The following POLH variants were observed in gnomAD, a reference collection of about 807,000 sequenced individuals.
The protein encoded by POLH is DNA polymerase eta transcript.
In POLH, 53 loss-of-function variants were observed where a neutral mutation model predicts 73.6. The ratio of observed to expected loss-of-function variants is 0.72; its 90% CI spans 0.58 to 0.91. The LOEUF (loss-of-function observed/expected upper bound fraction) is 0.91. Ranked by LOEUF, POLH falls within the 40% of genes least tolerant of loss-of-function variation. The pLI, the probability that POLH is intolerant of heterozygous loss-of-function variation, is 0.00. For synonymous variants in POLH, 292 were observed against 308.5 expected (o/e 0.95, Z 0.56); for missense variants, 768 against 865.4 (o/e 0.89, Z 1.41).
In POLH at chr6:43,580,636, C is replaced by T. The variant is rs1177642495; in HGVS notation, c.-4-1680C>T. Among the ~76,000 whole-genome samples the T allele has an allele frequency of 6.0e-5, 8 of 133,406 alleles. No individual in the cohort carries two copies. The East Asian group carries it at 1.6e-3, about 27-fold the overall frequency. 87.5% of individuals were successfully genotyped at this position (133,406 alleles called of 152,430 possible). A position where few individuals can be genotyped will look rare whatever the true frequency, so the allele number is the denominator to read the frequency against. On this transcript the variant is annotated intron_variant, in intron 1 of 10. Coordinates refer to ENST00000372236, the MANE Select transcript of POLH (RefSeq NM_006502.3). The stretch of plus-strand genomic sequence containing the variant: ...GGCCGGGCAGAGGCGCCCCTCACCT[C>T]CCGGACGGGGCGGCTGGCCGGGCAG...
chr6:43,619,497 C>T lies in POLH; in HGVS notation c.*4940C>T, dbSNP rs1582335629. Among the ~76,000 whole-genome samples, 1 of 150,256 alleles carries T rather than the reference C, an allele frequency of 6.7e-6. No homozygotes were observed. Among genetic ancestry groups the T allele is most frequent in the East Asian group, 2.0e-4 (1 of 4,990 alleles). On this transcript the variant is annotated 3_prime_UTR_variant, in exon 11 of 11. Transcript: ENST00000372236. ...GCTTTGCACATGATAGGTGCTGATA[C>T]TCATTGGATGAATGTATATAGTGAA...
chr6:43,604,609 T>C lies in POLH; in HGVS notation c.885-6T>C, dbSNP rs556713399. ...TCACCTTAACGTTTTTTGCTGGTCTTATTAGGTCTTGGCTATATGCCATGT... is the reference window on the plus strand; with the variant it reads ...TCACCTTAACGTTTTTTGCTGGTCTCATTAGGTCTTGGCTATATGCCATGT... On this transcript the variant is annotated splice_region_variant and splice_polypyrimidine_tract_variant and intron_variant, in intron 7 of 10. Coordinates refer to ENST00000372236, the MANE Select transcript of POLH (RefSeq NM_006502.3). 6.2e-7 allele frequency: 1 copy of C among 1,613,970 alleles called. No homozygotes were observed. Among genetic ancestry groups the C allele is most frequent in the Non-Finnish European group, 8.5e-7 (1 of 1,179,792 alleles).
At chr6:43,611,575 T>A (rs967766844) in intron 10 of POLH, among the ~76,000 whole-genome samples, 1 of 152,216 alleles carries the variant, frequency 6.6e-6, no homozygotes. Flanking sequence ...TTACTTTTTT[T>A]AAAGTATTCC....
At chr6:43,586,055 ATAATT>A (rs889930004) in intron 3 of POLH, among the ~76,000 whole-genome samples, 1 of 152,208 alleles carries the variant, frequency 6.6e-6, no homozygotes. Context: ...TTTTAGAACA[ATAATT>A]ATATTAGTTT....
intron 4 of POLH, among the ~76,000 whole-genome samples, chr6:43,593,983 G>T (rs1374195489): frequency 6.6e-6 from 1 of 151,874 alleles, no homozygotes; most frequent in Non-Finnish European, 1.5e-5. Context: ...CCATTTCATG[G>T]TATTGAAGAA....
At chr6:43,583,261 T>G in intron 3 of POLH, 120 bp downstream of exon 3, 1 of 871,050 alleles carries the variant, frequency 1.1e-6, no homozygotes, top group Non-Finnish European at 1.8e-6. Context: ...TTCTTTTTGG[T>G]TAGCCATCTT....
At chr6:43,599,755 T>C (rs935282362) in intron 5 of POLH, among the ~76,000 whole-genome samples, 1 of 151,288 alleles carries the variant, frequency 6.6e-6, no homozygotes, top group African/African-American at 2.4e-5. Context: ...AATTTAATAA[T>C]TTTATATTTT....
rs1264546663 is a variant in POLH, at chr6:43,617,573, G to A, written c.*3016G>A. ...ATCTGGGAGGCAGAGGTTGTAGTGA[G>A]CTGAGATTGTGCCACTGCACTCCAG... is the stretch of plus-strand genomic sequence containing the variant. On this transcript the variant is annotated 3_prime_UTR_variant, in exon 11 of 11. Coordinates refer to ENST00000372236, the MANE Select transcript of POLH (RefSeq NM_006502.3). 6.6e-6 allele frequency among the ~76,000 whole-genome samples: 1 copy of A among 151,598 alleles called. No individual in the cohort carries two copies. The highest frequency in any genetic ancestry group is 1.9e-4 in the East Asian group (1 of 5,160).
chr6:43,612,583 G>T (rs1039164802), intron 10 of POLH, among the ~76,000 whole-genome samples: 2 of 152,006 alleles, frequency 1.3e-5, no homozygotes, highest in African/African-American at 4.8e-5. Context: ...CTGACCTCAG[G>T]TGTTTCACCC....
In POLH at chr6:43,597,826, G is replaced by A. The variant is rs1369063990; in HGVS notation, c.621G>A (p.Glu207=). Residue 207 remains glutamate (E), a synonymous_variant, in exon 5 of 11, where the codon GAG becomes GAA. Coordinates refer to ENST00000372236, the MANE Select transcript of POLH (RefSeq NM_006502.3). ...VEEMRAAIER[E]TGFQCSAGIS... is the part of the protein sequence containing the mutation. ...AAATGAGAGCAGCCATAGAGAGGGA[G>A]ACTGGTTTTCAGTGTTCAGCTGGAA... 6.2e-7 allele frequency: 1 copy of A among 1,613,900 alleles called. No individual in the cohort carries two copies. The highest frequency in any genetic ancestry group is 8.5e-7 in the Non-Finnish European group (1 of 1,179,896).
rs528688151 is a variant in POLH at position 43,619,447 on chromosome 6, C to T, written c.*4890C>T. ...TTCCCCCTAACTAGCTATGTAGCTT[C>T]TTAAAGGCAAAGATTCTTCATAGTG... is the stretch of plus-strand genomic sequence containing the variant. On this transcript the variant is annotated 3_prime_UTR_variant, in exon 11 of 11. Coordinates refer to ENST00000372236, the MANE Select transcript of POLH (RefSeq NM_006502.3). 6.9e-6 allele frequency among the ~76,000 whole-genome samples: 1 copy of T among 144,872 alleles called. No individual in the cohort carries two copies. The highest frequency in any genetic ancestry group is 1.5e-5 in the Non-Finnish European group (1 of 66,556).
intron 8 of POLH, 71 bp downstream of exon 8, chr6:43,604,809 A>T: frequency 6.5e-7 from 1 of 1,531,288 alleles, no homozygotes; most frequent in Non-Finnish European, 9.1e-7. Context: ...GTAGCTGTGG[A>T]AGGTTTAATA....
chr6:43,620,429 A>G lies in POLH; in HGVS notation c.*5872A>G. The stretch of plus-strand genomic sequence containing the variant: ...AGTGTTGGGGTTTCACTTGTCTCTA[A>G]TCCTGAAGAGGTATCTAGCCCTGGA... On this transcript the variant is annotated 3_prime_UTR_variant, in exon 11 of 11. Coordinates refer to ENST00000372236, the MANE Select transcript of POLH (RefSeq NM_006502.3). The G allele has an allele frequency of 2.4e-6, 1 of 413,684 alleles. No homozygotes were observed. The highest frequency in any genetic ancestry group is 1.9e-5 in the South Asian group (1 of 53,866). 25.6% of individuals were successfully genotyped at this position (413,684 alleles called of 1,614,324 possible). A position where few individuals can be genotyped will look rare whatever the true frequency, so the allele number is the denominator to read the frequency against.
chr6:43,603,541 G>A (rs1297769844), intron 6 of POLH, among the ~76,000 whole-genome samples: 1 of 152,056 alleles, frequency 6.6e-6, no homozygotes, highest in Non-Finnish European at 1.5e-5. Flanking sequence ...TCATAGGTGT[G>A]AGCCATTGTG....
chr6:43,583,181 GA>G, intron 3 of POLH, 40 bp downstream of exon 3: 1 of 1,576,012 alleles, frequency 6.3e-7, no homozygotes, highest in Non-Finnish European at 8.7e-7. Flanking sequence ...TAAAGGAGTC[GA>G]AAATAATACT....
chr6:43,599,281 G>A (rs560753222), intron 5 of POLH, among the ~76,000 whole-genome samples: 1 of 152,044 alleles, frequency 6.6e-6, no homozygotes, highest in Non-Finnish European at 1.5e-5. Flanking sequence ...GAGCCACCGC[G>A]CCCGGCCACG....
At chr6:43,598,728 T>TA (rs1229109064) in intron 5 of POLH, among the ~76,000 whole-genome samples, 1 of 151,852 alleles carries the variant, frequency 6.6e-6, no homozygotes, top group East Asian at 1.9e-4. Flanking sequence ...TATAAGAAAT[T>TA]AGAGATGATT....
chr6:43,582,527 TGTG>T (rs371325034), intron 2 of POLH, 71 bp downstream of exon 2: 838 of 1,465,242 alleles, frequency 5.7e-4, no homozygotes, highest in Middle Eastern at 8.6e-4. Flanking sequence ...CCTTTGTTGT[TGTG>T]GTGGTGGTGG....
At position 43,615,836 on chromosome 6, in the gene POLH, C is replaced by A. The variant is rs1174702314; in HGVS notation, c.*1279C>A. On this transcript the variant is annotated 3_prime_UTR_variant, in exon 11 of 11. Coordinates refer to ENST00000372236, the MANE Select transcript of POLH (RefSeq NM_006502.3). Reference sequence around the variant, plus strand: ...TACAGGCACGTGCTACCACACTCAGCTAATTTTTGTATTTTTAATAGAGAT... The same window carrying A: ...TACAGGCACGTGCTACCACACTCAGATAATTTTTGTATTTTTAATAGAGAT... Among the ~76,000 whole-genome samples the A allele has an allele frequency of 6.6e-6, 1 of 151,618 alleles. No individual in the cohort carries two copies. Among genetic ancestry groups the A allele is most frequent in the African/African-American group, 2.4e-5 (1 of 41,336 alleles).
Sources: allele counts gnomAD v4.1 joint callset (sites outside exome capture counted in the v4.1 genomes callset), GRCh38; gene constraint gnomAD v4.1.1; transcripts MANE v1.5; gene names NCBI Gene and HGNC (gene_info 2026-07-23, HGNC 2026-07-21).